Variants in ADAMTSL2 observed in about 807,000 individuals in gnomAD.
The protein encoded by ADAMTSL2 is ADAMTS-like protein 2.
Under a neutral mutation model 117.0 loss-of-function variants are expected in ADAMTSL2, and 55 were observed. The observed-to-expected ratio is 0.47, with a 90% CI of 0.38 to 0.59. ADAMTSL2 has a LOEUF of 0.59. Ranked by LOEUF, ADAMTSL2 falls within the 20% of genes least tolerant of loss-of-function variation. ADAMTSL2 has a pLI of 0.00. For missense variants in ADAMTSL2, 1,182 were observed against 1,354.5 expected (o/e 0.87, Z 2.00); for synonymous variants, 572 against 566.4 (o/e 1.01, Z -0.14).
At position 133,536,443 on chromosome 9, in the gene ADAMTSL2, C is replaced by T. The variant is rs752122891; in HGVS notation, c.-150-120C>T. ...CTGCATGCCCTTGGATCAAGGGTGG[C>T]ACAGGCTTAGCACGCACACCGCCGC... On this transcript the variant is annotated intron_variant, in intron 1 of 18. Transcript: ENST00000651351. 16 of 1,387,352 alleles carry T rather than the reference C, an allele frequency of 1.2e-5. No homozygotes were observed. In the Admixed American group the frequency reaches 2.4e-4, roughly 21 times the overall value. 85.9% of individuals were successfully genotyped at this position (1,387,352 alleles called of 1,614,324 possible).
At position 133,575,010 on chromosome 9, in the gene ADAMTSL2, T is replaced by G; in HGVS notation, c.*146T>G. 3.0e-6 allele frequency: 2 copies of G among 670,606 alleles called. No individual in the cohort carries two copies. The highest frequency in any genetic ancestry group is 5.3e-6 in the Non-Finnish European group (2 of 377,938). 41.5% of individuals were successfully genotyped at this position (670,606 alleles called of 1,614,324 possible). ...TGAGCCTCGGCTGTCGAGAGGGGAC[T>G]TCCCACGGCCCGTGGACCTTTGTGC... is the stretch of plus-strand genomic sequence containing the variant. On this transcript the variant is annotated 3_prime_UTR_variant, in exon 19 of 19. Transcript: ENST00000651351.
chr9:133,564,649 G>A (rs988620550), intron 12 of ADAMTSL2, among the ~76,000 whole-genome samples: 148 of 27,672 alleles, frequency 5.3e-3, no homozygotes, highest in South Asian at 0.018. Context: ...AGGGAGAGAG[G>A]GAGAGAGGGA....
chr9:133,552,060 C>T (rs1041959407), intron 9 of ADAMTSL2, among the ~76,000 whole-genome samples: 4 of 152,028 alleles, frequency 2.6e-5, no homozygotes, highest in Non-Finnish European at 5.9e-5. Flanking sequence ...AAACTACTGA[C>T]CTCATGATTT....
intron 1 of ADAMTSL2, 87 bp downstream of exon 1, chr9:133,535,004 C>T: frequency 7.7e-7 from 1 of 1,305,200 alleles, no homozygotes; most frequent in South Asian, 2.2e-5. Flanking sequence ...GTAGGAGCAC[C>T]CCGCGCCCTC....
chr9:133,570,526 C>A lies in ADAMTSL2; in HGVS notation c.2592+19C>A. ...GTCAGAGGTGAGCTCCCAGCCGGCC[C>A]CTCTGAGGTTGCCTGAGGCCAGACC... On this transcript the variant is annotated intron_variant, in intron 17 of 18. Transcript: ENST00000651351. 1 of 1,606,072 alleles carries A rather than the reference C, an allele frequency of 6.2e-7. No homozygotes were observed. Among genetic ancestry groups the A allele is most frequent in the Non-Finnish European group, 8.5e-7 (1 of 1,176,994 alleles).
chr9:133,559,091 A>G (rs1830670210), intron 11 of ADAMTSL2, among the ~76,000 whole-genome samples: 1 of 152,158 alleles, frequency 6.6e-6, no homozygotes, highest in South Asian at 2.1e-4. Context: ...GTGGAGGGGC[A>G]TGGGTTGGAT....
chr9:133,574,037 G>A (rs1041135273), intron 18 of ADAMTSL2, 50 bp downstream of exon 18: 32 of 1,576,936 alleles, frequency 2.0e-5, no homozygotes, highest in African/African-American at 1.9e-4. Flanking sequence ...CAGGGGAGGC[G>A]AGGACAGAGT....
At chr9:133,546,558 C>A (rs1374958079) in intron 8 of ADAMTSL2, among the ~76,000 whole-genome samples, 1 of 152,134 alleles carries the variant, frequency 6.6e-6, no homozygotes, top group Non-Finnish European at 1.5e-5. Flanking sequence ...CAGCTCAGGG[C>A]GATCCCCAGG....
Position 133,568,331 on chromosome 9 carries a change from C to T in ADAMTSL2, c.1933C>T (p.Arg645Cys), listed in dbSNP as rs1418045269. 7.6e-6 allele frequency: 12 copies of T among 1,584,596 alleles called. No homozygotes were observed. The highest frequency in any genetic ancestry group is 1.3e-5 in the African/African-American group (1 of 74,392). Reference protein sequence around the residue: ...SRTCGEGYQFRVVRCWKMLSP... With the variant: ...SRTCGEGYQFCVVRCWKMLSP... ...CACCTGCGGAGAGGGCTACCAGTTC[C>T]GCGTCGTGCGCTGCTGGAAGATGCT... Residue 645 changes from arginine (R) to cysteine (C), a missense_variant, in exon 14 of 19, where the codon CGC becomes TGC. Coordinates refer to ENST00000651351, the MANE Select transcript of ADAMTSL2 (RefSeq NM_014694.4).
Position 133,539,768 on chromosome 9 carries a change from C to T in ADAMTSL2, c.310-3C>T, listed in dbSNP as rs1322473875. 6.7e-7 allele frequency: 1 copy of T among 1,498,596 alleles called. No homozygotes were observed. Among genetic ancestry groups the T allele is most frequent in the South Asian group, 1.3e-5 (1 of 78,242 alleles). 92.8% of individuals were successfully genotyped at this position (1,498,596 alleles called of 1,614,324 possible). On this transcript the variant is annotated splice_polypyrimidine_tract_variant and splice_region_variant and intron_variant, in intron 4 of 18. Transcript: ENST00000651351. ...GGAGCCTCCCTGTCCCTTCGCTTCC[C>T]AGGAGTGTCCGCCGGACGGGAGGAG...
intron 1 of ADAMTSL2, 117 bp downstream of exon 1, chr9:133,535,034 G>T: frequency 9.3e-6 from 12 of 1,295,224 alleles, no homozygotes; most frequent in Non-Finnish European, 1.2e-5. Flanking sequence ...TACATAACGT[G>T]GGGAGGCTTG....
upstream of ADAMTSL2, among the ~76,000 whole-genome samples, chr9:133,533,196 T>TGC (rs1554809546): frequency 1.7e-3 from 244 of 146,548 alleles, 1 homozygote; most frequent in African/African-American, 6.0e-3. Context: ...TGTGTGTGTG[T>TGC]GCTGGGTGAC....
intron 9 of ADAMTSL2, among the ~76,000 whole-genome samples, chr9:133,548,830 A>G (rs9776782): frequency 0.84 from 128,545 of 152,144 alleles, 55,074 homozygotes; most frequent in Non-Finnish European, 0.92. Flanking sequence ...GTCCACCCCC[A>G]GCACAGCTTG....
chr9:133,540,754 G>A lies in ADAMTSL2; in HGVS notation c.558+11G>A, dbSNP rs200956375. ...TCTGGAAAATGTGAGGTTGTTAAAC[G>A]TTGTAGCAAAAGTACCGCCGGTCTC... On this transcript the variant is annotated intron_variant, in intron 6 of 18. Coordinates refer to ENST00000651351, the MANE Select transcript of ADAMTSL2 (RefSeq NM_014694.4). 1.1e-4 allele frequency: 172 copies of A among 1,613,758 alleles called. No individual in the cohort carries two copies. The highest frequency in any genetic ancestry group is 5.3e-4 in the South Asian group (48 of 91,084).
rs566350756 is a variant in ADAMTSL2 at position 133,541,143 on chromosome 9, G to T, written c.682+142G>T. The T allele has an allele frequency of 1.5e-5, 20 of 1,296,670 alleles. No homozygotes were observed. The Admixed American group carries it at 3.8e-4, about 24-fold the overall frequency. 80.3% of individuals were successfully genotyped at this position (1,296,670 alleles called of 1,614,324 possible). On this transcript the variant is annotated intron_variant, in intron 7 of 18. Transcript: ENST00000651351. Reference sequence around the variant, plus strand: ...GGCACCTGATTCAGCATCCCAGGCCGGGTGAGCTGGCCTGGTGATTGTAGG... The same window carrying T: ...GGCACCTGATTCAGCATCCCAGGCCTGGTGAGCTGGCCTGGTGATTGTAGG...
At chr9:133,569,961 A>G (rs1831066418) in intron 16 of ADAMTSL2, among the ~76,000 whole-genome samples, 3 of 152,204 alleles carry the variant, frequency 2.0e-5, no homozygotes, top group Admixed American at 6.5e-5. Context: ...ATCGTCACCA[A>G]CTTGCCATTT....
intron 17 of ADAMTSL2, among the ~76,000 whole-genome samples, chr9:133,572,592 G>T (rs1831133203): frequency 6.6e-6 from 1 of 152,154 alleles, no homozygotes; most frequent in Non-Finnish European, 1.5e-5. Flanking sequence ...ACTAGGTGCA[G>T]GTACCTTGCT....
At chr9:133,552,932 G>A (rs1830519925) in intron 9 of ADAMTSL2, among the ~76,000 whole-genome samples, 1 of 152,178 alleles carries the variant, frequency 6.6e-6, no homozygotes, top group Non-Finnish European at 1.5e-5. Context: ...GTCATGAGAG[G>A]ATGCACCCAG....
rs1346089942 is a variant in ADAMTSL2 at position 133,575,345 on chromosome 9, C to A, written c.*481C>A. 2 of 196,396 alleles carry A rather than the reference C, an allele frequency of 1.0e-5. No homozygotes were observed. The highest frequency in any genetic ancestry group is 2.6e-4 in the East Asian group (2 of 7,606). The allele number at this position is 196,396 out of a possible 1,614,324, so 12.2% of individuals were successfully genotyped here. ...GAGGGGCTCAGGCAGCCAAGGAGGC[C>A]CAGGCGTGCTCCCTCTTATGGAGCC... On this transcript the variant is annotated 3_prime_UTR_variant, in exon 19 of 19. Transcript: ENST00000651351.
Sources: gnomAD v4.1 joint callset for allele counts (sites outside exome capture counted in the v4.1 genomes callset) on GRCh38, gnomAD v4.1.1 for gene constraint, MANE v1.5 for transcripts, NCBI Gene and HGNC (gene_info 2026-07-23, HGNC 2026-07-21) for gene names.